The following MARCHF1 variants were observed in gnomAD, a reference collection of about 807,000 sequenced individuals.
The protein encoded by MARCHF1 is E3 ubiquitin-protein ligase MARCHF1.
A neutral mutation model predicts 54.2 loss-of-function variants in MARCHF1; 40 were observed. The ratio of observed to expected loss-of-function variants is 0.74; its 90% confidence interval spans 0.57 to 0.96. The LOEUF (loss-of-function observed/expected upper bound fraction) is 0.96, where lower values mean the gene tolerates loss of function less well. MARCHF1 is among the 40% of genes least tolerant of loss of function. The pLI is 0.00. For synonymous variants in MARCHF1, 236 were observed against 236.3 expected, an observed-to-expected ratio of 1.00 and a Z score of 0.01; for missense variants, 586 against 656.5, an observed-to-expected ratio of 0.89 and a Z score of 1.17.
intron 8 of MARCHF1, among the ~76,000 whole-genome samples, chr4:163,574,760 C>G (rs1560950825): frequency 1.3e-5 from 2 of 152,046 alleles, no homozygotes; most frequent in South Asian, 4.1e-4. Flanking sequence ...ATGCCTCCAG[C>G]TTCGTTCTTT....
At chr4:163,534,104 G>A (rs1192077413) in intron 9 of MARCHF1, among the ~76,000 whole-genome samples, 1 of 151,950 alleles carries the variant, frequency 6.6e-6, no homozygotes, top group Non-Finnish European at 1.5e-5. Context: ...CTATTCCTCT[G>A]TTTAGAGTGC....
chr4:163,572,104 C>T (rs1297353502), intron 8 of MARCHF1, among the ~76,000 whole-genome samples: 1 of 151,760 alleles, frequency 6.6e-6, no homozygotes, highest in East Asian at 1.9e-4. Context: ...ATAGAGAGTC[C>T]TTCTTGCTTT....
intron 7 of MARCHF1, among the ~76,000 whole-genome samples, chr4:163,589,183 T>C (rs1453122749): frequency 6.6e-6 from 1 of 152,086 alleles, no homozygotes; most frequent in African/African-American, 2.4e-5. Context: ...GATTTTTTCA[T>C]TGACATTGAA....
At chr4:164,220,599 G>A (rs938925919) in intron 1 of MARCHF1, among the ~76,000 whole-genome samples, 2 of 143,140 alleles carry the variant, frequency 1.4e-5, no homozygotes, top group South Asian at 4.4e-4. Flanking sequence ...ATGTATATAT[G>A]TAATATATAT....
At chr4:164,076,823 A>C (rs945688336) in intron 2 of MARCHF1, among the ~76,000 whole-genome samples, 1 of 152,182 alleles carries the variant, frequency 6.6e-6, no homozygotes, top group Non-Finnish European at 1.5e-5. Context: ...TACAACTTAC[A>C]GGGTATGTGA....
At chr4:163,878,884 C>T (rs1047885922) in intron 3 of MARCHF1, among the ~76,000 whole-genome samples, 1 of 152,164 alleles carries the variant, frequency 6.6e-6, no homozygotes, top group Admixed American at 6.5e-5. Context: ...CCCTTCTCCA[C>T]CCATGAAATG....
chr4:163,986,824 A>G (rs2110883181), intron 3 of MARCHF1, among the ~76,000 whole-genome samples: 1 of 152,342 alleles, frequency 6.6e-6, no homozygotes, highest in African/African-American at 2.4e-5. Flanking sequence ...ATCTCAATTT[A>G]TCTAATTCAG....
At chr4:164,053,614 A>C (rs1194462827) in intron 2 of MARCHF1, among the ~76,000 whole-genome samples, 10 of 152,162 alleles carry the variant, frequency 6.6e-5, no homozygotes, top group African/African-American at 1.2e-4. Context: ...AAAACAGTTC[A>C]AGTGCCTCAT....
At chr4:164,125,221 T>A (rs1296368129) in intron 1 of MARCHF1, among the ~76,000 whole-genome samples, 4 of 151,946 alleles carry the variant, frequency 2.6e-5, no homozygotes, top group Non-Finnish European at 5.9e-5. Context: ...TAGGTAAATA[T>A]ACTTATGGAG....
intron 8 of MARCHF1, among the ~76,000 whole-genome samples, chr4:163,576,614 T>C (rs1740045856): frequency 6.6e-6 from 1 of 152,086 alleles, no homozygotes; most frequent in African/African-American, 2.4e-5. Context: ...GCCTCAATTA[T>C]CTGTCTAATG....
chr4:164,031,303 G>T (rs1753871993), intron 2 of MARCHF1, among the ~76,000 whole-genome samples: 1 of 151,996 alleles, frequency 6.6e-6, no homozygotes, highest in Non-Finnish European at 1.5e-5. Context: ...ATTATCTGAT[G>T]GTAGTTTGTA....
At chr4:164,359,193 A>G (rs1460846701) in intron 1 of MARCHF1, among the ~76,000 whole-genome samples, 1 of 152,082 alleles carries the variant, frequency 6.6e-6, no homozygotes, top group Non-Finnish European at 1.5e-5. Context: ...TGCTTTAAGC[A>G]CTCTATTAAC....
intron 4 of MARCHF1, among the ~76,000 whole-genome samples, chr4:163,726,606 CT>C (rs892330026): frequency 6.6e-6 from 1 of 152,146 alleles, no homozygotes; most frequent in African/African-American, 2.4e-5. Flanking sequence ...ACATTTTCAA[CT>C]CATTTGGGTG....
intron 3 of MARCHF1, among the ~76,000 whole-genome samples, chr4:163,877,780 G>A (rs1270443479): frequency 6.6e-6 from 1 of 151,956 alleles, no homozygotes; most frequent in Non-Finnish European, 1.5e-5. Context: ...CCATACTCTG[G>A]TCCTCATACA....
intron 3 of MARCHF1, among the ~76,000 whole-genome samples, chr4:163,868,668 A>G (rs1750106406): frequency 6.6e-6 from 1 of 152,044 alleles, no homozygotes; most frequent in Non-Finnish European, 1.5e-5. Flanking sequence ...TGTGAATAGT[A>G]ACTTTTAAAA....
chr4:163,910,703 G>C (rs563673220), intron 3 of MARCHF1, among the ~76,000 whole-genome samples: 135 of 152,172 alleles, frequency 8.9e-4, no homozygotes, highest in South Asian at 2.3e-3. Flanking sequence ...CACCATGTTG[G>C]CCAAGCTGGT....
chr4:164,216,456 T>A (rs1443983205), intron 1 of MARCHF1, among the ~76,000 whole-genome samples: 1 of 151,988 alleles, frequency 6.6e-6, no homozygotes, highest in Non-Finnish European at 1.5e-5. Context: ...TGTGTGCTAA[T>A]AAGGAAAGAA....
At chr4:164,101,422 G>A (rs561409421) in intron 2 of MARCHF1, among the ~76,000 whole-genome samples, 3,571 of 119,336 alleles carry the variant, frequency 0.03, 173 homozygotes, top group African/African-American at 0.098. Flanking sequence ...ATCTGAGAAC[G>A]GGCAGACTGC....
At chr4:163,875,676 A>T (rs1044986527) in intron 3 of MARCHF1, among the ~76,000 whole-genome samples, 3 of 152,216 alleles carry the variant, frequency 2.0e-5, no homozygotes, top group Non-Finnish European at 4.4e-5. Context: ...TCCATGTTTA[A>T]ACCAAACTAT....
Sources: allele counts gnomAD v4.1 joint callset (sites outside exome capture counted in the v4.1 genomes callset), GRCh38; gene constraint gnomAD v4.1.1; transcripts MANE v1.5; gene names NCBI Gene and HGNC (gene_info 2026-07-23, HGNC 2026-07-21).